Variants in RNF220 observed in about 807,000 individuals in gnomAD.
RNF220 encodes the protein ring finger protein 220, also known as E3 ubiquitin-protein ligase RNF220.
RNF220 carries 7 observed loss-of-function variants against 67.1 expected under a neutral mutation model. That is an observed-to-expected ratio of 0.10 (90% CI 0.06 to 0.20). The LOEUF is 0.20. Among genes scored for constraint, RNF220 ranks in the 10% least tolerant of loss-of-function variants. The pLI is 1.00. For synonymous variants in RNF220, 270 were observed against 283.2 expected, an observed-to-expected ratio of 0.95 and a Z score of 0.47; for missense variants, 565 against 740.3, an observed-to-expected ratio of 0.76 and a Z score of 2.75.
chr1:44,512,076 G>A (rs1038825437), intron 2 of RNF220, among the ~76,000 whole-genome samples: 1 of 152,198 alleles, frequency 6.6e-6, no homozygotes, highest in Non-Finnish European at 1.5e-5. Context: ...TCAGGTTTTC[G>A]CTGTGGTTGT....
At chr1:44,642,799 G>C (rs967334523) in intron 8 of RNF220, among the ~76,000 whole-genome samples, 1 of 152,202 alleles carries the variant, frequency 6.6e-6, no homozygotes, top group Non-Finnish European at 1.5e-5. Flanking sequence ...GCAGGGCTAG[G>C]CAGGGCCAGG....
chr1:44,416,772 G>A (rs1384232352), intron 2 of RNF220, among the ~76,000 whole-genome samples: 1 of 152,220 alleles, frequency 6.6e-6, no homozygotes, highest in Non-Finnish European at 1.5e-5. Flanking sequence ...GTCACAGGTA[G>A]GCAGGAAACC....
chr1:44,419,702 C>T (rs1277970793), intron 2 of RNF220: 2 of 152,004 alleles, frequency 1.3e-5, no homozygotes, highest in African/African-American at 4.8e-5. Flanking sequence ...ATCCCAAAGG[C>T]GTAGAGGTTT....
intron 2 of RNF220, among the ~76,000 whole-genome samples, chr1:44,585,054 A>G (rs981672414): frequency 4.6e-5 from 7 of 152,206 alleles, no homozygotes; most frequent in South Asian, 2.1e-4. Context: ...TCCTAGGGAA[A>G]GGCAGAGGAG....
At chr1:44,513,777 C>T (rs987224980) in intron 2 of RNF220, among the ~76,000 whole-genome samples, 2 of 152,160 alleles carry the variant, frequency 1.3e-5, no homozygotes, top group African/African-American at 4.8e-5. Flanking sequence ...CATGGGTCAT[C>T]CTCTGCATGT....
chr1:44,607,758 G>C (rs1667379017), intron 2 of RNF220, among the ~76,000 whole-genome samples: 1 of 152,018 alleles, frequency 6.6e-6, no homozygotes, highest in Non-Finnish European at 1.5e-5. Flanking sequence ...CAAAGTGCTG[G>C]GATTACAGGC....
chr1:44,506,369 C>T (rs985842017), intron 2 of RNF220, among the ~76,000 whole-genome samples: 2 of 152,212 alleles, frequency 1.3e-5, no homozygotes, highest in Non-Finnish European at 2.9e-5. Flanking sequence ...CTCTTCTCTT[C>T]GGTCCATCAC....
chr1:44,453,905 G>T (rs1652923991), intron 2 of RNF220, among the ~76,000 whole-genome samples: 1 of 152,102 alleles, frequency 6.6e-6, no homozygotes. Flanking sequence ...AAATTAAAAT[G>T]GAGAAAATTT....
intron 2 of RNF220, among the ~76,000 whole-genome samples, chr1:44,607,896 C>G (rs998165885): frequency 6.6e-6 from 1 of 151,390 alleles, no homozygotes; most frequent in Non-Finnish European, 1.5e-5. Flanking sequence ...CCTTCCAGAC[C>G]AGATGATATA....
chr1:44,565,150 G>A lies in RNF220; in HGVS notation c.626-49015G>A, dbSNP rs996049005. Among the ~76,000 whole-genome samples the A allele has an allele frequency of 6.6e-6, 1 of 152,244 alleles. No homozygotes were observed. Among genetic ancestry groups the A allele is most frequent in the Non-Finnish European group, 1.5e-5 (1 of 68,044 alleles). ...AAATGAATGAGTGAGTGAACAAACT[G>A]ATCAACCAGTAACCAACAAACTGAC... On this transcript the variant is annotated intron_variant, in intron 2 of 14. Transcript: ENST00000361799. This position sits in a 1 kb window ranked among gnomAD's most constrained non-coding sequence, Gnocchi z 4.2.
At chr1:44,482,665 A>G (rs1207792710) in intron 2 of RNF220, among the ~76,000 whole-genome samples, 1 of 151,918 alleles carries the variant, frequency 6.6e-6, no homozygotes, top group Non-Finnish European at 1.5e-5. Flanking sequence ...TCTGTCACCC[A>G]GTCTGGAGTG....
Position 44,649,265 on chromosome 1 carries a change from G to A in RNF220, c.1446-396G>A, listed in dbSNP as rs1352811946. On this transcript the variant is annotated intron_variant, in intron 12 of 14. Transcript: ENST00000361799. This position sits in a 1 kb window ranked among gnomAD's most constrained non-coding sequence, Gnocchi z 5.9. Reference sequence around the variant, plus strand: ...CGCTGGGAGAGTGGAATAGAGATGAGGGGCCTGGAGGCAGAAAGGCTGTCT... The same window carrying A: ...CGCTGGGAGAGTGGAATAGAGATGAAGGGCCTGGAGGCAGAAAGGCTGTCT... The A allele has an allele frequency of 3.7e-6, 1 of 269,102 alleles. No homozygotes were observed. Among genetic ancestry groups the A allele is most frequent in the African/African-American group, 2.3e-5 (1 of 43,920 alleles). 16.7% of individuals were successfully genotyped at this position (269,102 alleles called of 1,614,324 possible). A position where few individuals can be genotyped will look rare whatever the true frequency, so the allele number is the denominator to read the frequency against.
At chr1:44,523,775 A>G (rs272533) in intron 2 of RNF220, among the ~76,000 whole-genome samples, 25,816 of 152,118 alleles carry the variant, frequency 0.17, 2,772 homozygotes, top group Middle Eastern at 0.29. Context: ...GCCCAAGAGG[A>G]TCCATTGGTC....
At chr1:44,572,901 C>T in intron 2 of RNF220, 1 of 253,668 alleles carries the variant, frequency 3.9e-6, no homozygotes, top group Non-Finnish European at 8.6e-6. Context: ...TGTTGTTCAC[C>T]AAGTAAACAA....
chr1:44,597,438 C>T (rs1034085731), intron 2 of RNF220, among the ~76,000 whole-genome samples: 20 of 150,300 alleles, frequency 1.3e-4, no homozygotes, highest in African/African-American at 4.9e-4. Flanking sequence ...TCTCAACATA[C>T]ATACACGCCC....
chr1:44,635,399 G>C, intron 6 of RNF220, 146 bp from the exon 7 acceptor site: 1 of 1,246,488 alleles, frequency 8.0e-7, no homozygotes, highest in Non-Finnish European at 1.1e-6. Flanking sequence ...GGAGCAGGAG[G>C]TATTTCAAGA....
chr1:44,496,499 G>A (rs1286442351), intron 2 of RNF220, among the ~76,000 whole-genome samples: 2 of 152,212 alleles, frequency 1.3e-5, no homozygotes, highest in Non-Finnish European at 2.9e-5. Context: ...AAGGAAAAAA[G>A]GGGAAGACTT....
chr1:44,466,779 A>G (rs1654311298), intron 2 of RNF220, among the ~76,000 whole-genome samples: 1 of 152,230 alleles, frequency 6.6e-6, no homozygotes, highest in African/African-American at 2.4e-5. Flanking sequence ...TACGTAAACC[A>G]TGCTATAAAC....
intron 2 of RNF220, among the ~76,000 whole-genome samples, chr1:44,583,383 G>A (rs913815629): frequency 1.3e-5 from 2 of 152,230 alleles, no homozygotes; most frequent in South Asian, 2.1e-4. Flanking sequence ...ATGGGATGAA[G>A]CCTCACTTCT....
Sources: gnomAD v4.1 joint callset for allele counts (sites outside exome capture counted in the v4.1 genomes callset) on GRCh38, gnomAD v4.1.1 for gene constraint, Gnocchi (gnomAD v3.1) non-coding constraint, MANE v1.5 for transcripts, NCBI Gene and HGNC (gene_info 2026-07-23, HGNC 2026-07-21) for gene names.